SAE1: variants seen among roughly 807,000 people sequenced by gnomAD.
SAE1 encodes the protein SUMO1 activating enzyme subunit 1, also known as SUMO-activating enzyme subunit 1.
In SAE1, 11 loss-of-function variants were observed where a neutral mutation model predicts 40.6. The ratio of observed to expected loss-of-function variants is 0.27; its 90% CI spans 0.17 to 0.45. The LOEUF is 0.45. SAE1 is among the 20% of genes least tolerant of loss of function. The pLI is 1.00. For synonymous variants in SAE1, 155 were observed against 154.3 expected (o/e 1.00, Z -0.03); for missense variants, 373 against 427.3 (o/e 0.87, Z 1.12).
chr19:47,187,054 G>A (rs1332260924), intron 6 of SAE1, among the ~76,000 whole-genome samples: 1 of 152,162 alleles, frequency 6.6e-6, no homozygotes, highest in Non-Finnish European at 1.5e-5. Flanking sequence ...TTTGAAGAGT[G>A]GATGACTGAA....
At chr19:47,164,448 T>A (rs1436965302) in intron 5 of SAE1, among the ~76,000 whole-genome samples, 2 of 151,954 alleles carry the variant, frequency 1.3e-5, no homozygotes, top group East Asian at 3.9e-4. Context: ...ATTACAGGCA[T>A]GAGCCACCAC....
intron 1 of SAE1, among the ~76,000 whole-genome samples, chr19:47,131,697 C>CTTTTTTTT (rs554165710): frequency 1.2e-5 from 1 of 84,142 alleles, no homozygotes; most frequent in African/African-American, 4.7e-5. Flanking sequence ...TTAGGGAATT[C>CTTTTTTTT]TTTTTTTTTT....
At chr19:47,160,080 G>A (rs1031246192) in intron 5 of SAE1, among the ~76,000 whole-genome samples, 1 of 152,052 alleles carries the variant, frequency 6.6e-6, no homozygotes, top group Non-Finnish European at 1.5e-5. Context: ...TAATTCTCAC[G>A]GTTTAGGTTA....
Position 47,209,304 on chromosome 19 carries a change from T to G in SAE1, c.*53T>G. On this transcript the variant is annotated 3_prime_UTR_variant, in exon 9 of 9. Coordinates refer to ENST00000270225, the MANE Select transcript of SAE1 (RefSeq NM_005500.3). ...CCAACTGCAGCATGCCCACCTGTAT[T>G]CCCTGTCCCCTTCCTTCATGAAGGC... is the stretch of plus-strand genomic sequence containing the variant. 6.2e-7 allele frequency: 1 copy of G among 1,613,470 alleles called. No homozygotes were observed. The highest frequency in any genetic ancestry group is 8.5e-7 in the Non-Finnish European group (1 of 1,179,668).
At chr19:47,175,209 G>A (rs1423568356) in intron 6 of SAE1, among the ~76,000 whole-genome samples, 2 of 145,530 alleles carry the variant, frequency 1.4e-5, no homozygotes, top group Admixed American at 7.2e-5. Context: ...CAAGTTGAGT[G>A]GTAAACTTTG....
intron 1 of SAE1, among the ~76,000 whole-genome samples, chr19:47,136,725 G>C (rs1328518296): frequency 4.6e-5 from 7 of 152,164 alleles, no homozygotes; most frequent in African/African-American, 1.4e-4. Flanking sequence ...CCTGACCTCA[G>C]GTGATCCGCC....
At chr19:47,158,969 T>C (rs1182804227) in intron 5 of SAE1, among the ~76,000 whole-genome samples, 3 of 152,182 alleles carry the variant, frequency 2.0e-5, no homozygotes, top group Non-Finnish European at 4.4e-5. Context: ...GGAAAACCTT[T>C]AGGATAAAAG....
At chr19:47,168,626 G>C (rs385812) in intron 5 of SAE1, among the ~76,000 whole-genome samples, 1 of 151,976 alleles carries the variant, frequency 6.6e-6, no homozygotes, top group Non-Finnish European at 1.5e-5. Context: ...TTTTGAGACA[G>C]AGTTTCGCTC....
intron 6 of SAE1, among the ~76,000 whole-genome samples, chr19:47,182,463 T>C (rs906342083): frequency 1.0e-5 from 1 of 97,954 alleles, no homozygotes; most frequent in Non-Finnish European, 2.1e-5. Context: ...GAAAAAAGCG[T>C]AGTGTGTGTG....
chr19:47,143,644 C>T, intron 2 of SAE1, 39 bp downstream of exon 2: 2 of 1,463,466 alleles, frequency 1.4e-6, no homozygotes, highest in Admixed American at 1.7e-5. Flanking sequence ...TGCTCTGGCT[C>T]CCCTTTCCAG....
chr19:47,149,163 CTTTTTTTT>C (rs958403274), intron 2 of SAE1, among the ~76,000 whole-genome samples: 2 of 86,490 alleles, frequency 2.3e-5, no homozygotes, highest in East Asian at 6.8e-4. Context: ...CACTGGTCTA[CTTTTTTTT>C]TTTTTTTTTT....
At chr19:47,178,439 G>A (rs2058484176) in intron 6 of SAE1, among the ~76,000 whole-genome samples, 1 of 152,152 alleles carries the variant, frequency 6.6e-6, no homozygotes, top group African/African-American at 2.4e-5. Flanking sequence ...GGAAAGGGAA[G>A]CCCATTTCCC....
intron 6 of SAE1, among the ~76,000 whole-genome samples, chr19:47,190,387 C>A (rs2058571279): frequency 6.6e-6 from 1 of 152,082 alleles, no homozygotes; most frequent in African/African-American, 2.4e-5. Context: ...GAAAGCAGAA[C>A]AAAGGAGAAT....
intron 1 of SAE1, among the ~76,000 whole-genome samples, chr19:47,134,717 C>T (rs952546314): frequency 4.6e-5 from 7 of 152,026 alleles, no homozygotes; most frequent in African/African-American, 1.7e-4. Context: ...GAGGTTTAAA[C>T]TGGAATGTAG....
chr19:47,153,316 A>G (rs756765448), intron 4 of SAE1, among the ~76,000 whole-genome samples: 2 of 152,096 alleles, frequency 1.3e-5, no homozygotes, highest in African/African-American at 2.4e-5. Flanking sequence ...GGCATATTCA[A>G]CCAAAGTCTA....
rs1166301382 is a variant in SAE1 at position 47,164,639 on chromosome 19, CTTTTTTT to C, written c.628-5158_628-5152del. Reference sequence around the variant, plus strand: ...TTGATGGGCTATGTGGAGAATTCACCTTTTTTTTTTTTTTTTTTTTTTTTTTTGAGAC... The same window carrying C: ...TTGATGGGCTATGTGGAGAATTCACCTTTTTTTTTTTTTTTTTTTTGAGAC... On this transcript the variant is annotated intron_variant, in intron 5 of 8. Coordinates refer to ENST00000270225, the MANE Select transcript of SAE1 (RefSeq NM_005500.3). Among the ~76,000 whole-genome samples the C allele has an allele frequency of 1.4e-4, 11 of 78,394 alleles. No homozygotes were observed. In the East Asian group the frequency reaches 2.7e-3, roughly 19 times the overall value. 51.4% of individuals were successfully genotyped at this position (78,394 alleles called of 152,430 possible).
At chr19:47,135,135 G>C (rs2058170379) in intron 1 of SAE1, among the ~76,000 whole-genome samples, 1 of 151,996 alleles carries the variant, frequency 6.6e-6, no homozygotes, top group Non-Finnish European at 1.5e-5. Flanking sequence ...AGGGTAAATG[G>C]GGTATCCACC....
chr19:47,140,064 A>C (rs2058210456), intron 1 of SAE1, among the ~76,000 whole-genome samples: 1 of 146,928 alleles, frequency 6.8e-6, no homozygotes, highest in South Asian at 2.1e-4. Context: ...CAGCTTCCCG[A>C]GTAGCTGAGA....
chr19:47,140,623 C>A (rs904516212), intron 1 of SAE1, among the ~76,000 whole-genome samples: 644 of 118,468 alleles, frequency 5.4e-3, no homozygotes, highest in Middle Eastern at 0.013. Flanking sequence ...CCTGTGTCTA[C>A]AAAAAAAAAA....
Sources: allele counts gnomAD v4.1 joint callset (sites outside exome capture counted in the v4.1 genomes callset), GRCh38; gene constraint gnomAD v4.1.1; transcripts MANE v1.5; gene names NCBI Gene and HGNC (gene_info 2026-07-23, HGNC 2026-07-21).